Variants in DTNB observed in about 807,000 individuals in gnomAD.
DTNB encodes dystrobrevin beta, also known as DTN-B.
In DTNB, 63 loss-of-function variants were observed where a neutral mutation model predicts 90.7. That is an observed-to-expected ratio of 0.69 (90% CI 0.57 to 0.86). The LOEUF (loss-of-function observed/expected upper bound fraction) is 0.86, where lower values mean the gene tolerates loss of function less well. DTNB is among the 40% of genes least tolerant of loss of function. DTNB has a pLI of 0.00. For synonymous variants in DTNB, 277 were observed against 286.7 expected (o/e 0.97, Z 0.34); for missense variants, 744 against 807.1 (o/e 0.92, Z 0.95).
intron 13 of DTNB, 24 bp from the exon 14 acceptor site, chr2:25,433,023 A>C (rs2054475861): frequency 1.3e-6 from 2 of 1,578,946 alleles, no homozygotes; most frequent in African/African-American, 2.7e-5. Flanking sequence ...GTGAACGGAA[A>C]GGGGCTGCAC....
intron 8 of DTNB, among the ~76,000 whole-genome samples, chr2:25,543,052 T>G (rs1268729710): frequency 6.6e-6 from 1 of 152,206 alleles, no homozygotes; most frequent in Non-Finnish European, 1.5e-5. Context: ...CTTTTTATCT[T>G]TGATAAACCA....
At chr2:25,388,988 A>G (rs2040340953) in intron 16 of DTNB, among the ~76,000 whole-genome samples, 2 of 152,116 alleles carry the variant, frequency 1.3e-5, no homozygotes. Flanking sequence ...CTGGGACTAC[A>G]GGTGTGCGCC....
intron 8 of DTNB, chr2:25,558,202 T>C: frequency 1.0e-6 from 1 of 985,202 alleles, no homozygotes; most frequent in Non-Finnish European, 1.2e-6. Flanking sequence ...CACACATGGA[T>C]TAAATTTATT....
At chr2:25,481,413 A>AG (rs1558704007) in intron 10 of DTNB, among the ~76,000 whole-genome samples, 1 of 150,116 alleles carries the variant, frequency 6.7e-6, no homozygotes, top group Non-Finnish European at 1.5e-5. Context: ...TCCAAATTTA[A>AG]AAAAAAAAAA....
At chr2:25,586,137 A>G (rs2062358464) in intron 6 of DTNB, among the ~76,000 whole-genome samples, 1 of 152,226 alleles carries the variant, frequency 6.6e-6, no homozygotes, top group South Asian at 2.1e-4. Context: ...ATGCAAATAC[A>G]TTATGAAGTT....
intron 16 of DTNB, among the ~76,000 whole-genome samples, chr2:25,411,499 A>G (rs987107159): frequency 2.0e-5 from 3 of 152,108 alleles, no homozygotes; most frequent in African/African-American, 7.2e-5. Flanking sequence ...CACCCTGCCA[A>G]CTCTTGCAAG....
intron 10 of DTNB, among the ~76,000 whole-genome samples, chr2:25,469,430 TATTCATTCATTC>T (rs762828529): frequency 1.2e-4 from 18 of 152,260 alleles, no homozygotes; most frequent in African/African-American, 4.3e-4. Flanking sequence ...TGCCCAAGCC[TATTCATTCATTC>T]ATTCATTCAC....
intron 12 of DTNB, among the ~76,000 whole-genome samples, chr2:25,434,570 T>A (rs1331605509): frequency 6.6e-6 from 1 of 152,038 alleles, no homozygotes; most frequent in African/African-American, 2.4e-5. Flanking sequence ...GGCCTAGTAG[T>A]CCCTTCTTTT....
intron 10 of DTNB, among the ~76,000 whole-genome samples, chr2:25,465,076 A>G (rs920965932): frequency 2.0e-5 from 3 of 152,118 alleles, no homozygotes; most frequent in African/African-American, 7.2e-5. Context: ...ATAAGTTAGC[A>G]ATATTAGAAG....
intron 9 of DTNB, among the ~76,000 whole-genome samples, chr2:25,529,820 A>T (rs1193260282): frequency 6.6e-6 from 1 of 152,178 alleles, no homozygotes; most frequent in Non-Finnish European, 1.5e-5. Context: ...GCTTTATTAG[A>T]TTTAACCCTT....
chr2:25,470,611 A>T (rs1012463902), intron 10 of DTNB, among the ~76,000 whole-genome samples: 2 of 152,110 alleles, frequency 1.3e-5, no homozygotes, highest in African/African-American at 4.8e-5. Context: ...TCCTGACCTC[A>T]GGTGATCCAC....
intron 10 of DTNB, among the ~76,000 whole-genome samples, chr2:25,469,262 T>C (rs1185823322): frequency 1.3e-5 from 2 of 152,042 alleles, no homozygotes; most frequent in Non-Finnish European, 2.9e-5. Context: ...GGTGAAGATG[T>C]TGGATAAAGA....
intron 12 of DTNB, among the ~76,000 whole-genome samples, chr2:25,448,593 G>A (rs1425951794): frequency 2.0e-5 from 3 of 152,080 alleles, no homozygotes; most frequent in Admixed American, 1.3e-4. Flanking sequence ...GGTGGCTCAC[G>A]CCTGTAATCC....
intron 8 of DTNB, among the ~76,000 whole-genome samples, chr2:25,532,187 G>C (rs987515172): frequency 6.8e-6 from 1 of 147,658 alleles, no homozygotes; most frequent in Non-Finnish European, 1.5e-5. Flanking sequence ...GGAGGTTGCA[G>C]TGAGCCAAGA....
At chr2:25,509,713 T>TGATGTGTG (rs2073468938) in intron 9 of DTNB, among the ~76,000 whole-genome samples, 1 of 151,376 alleles carries the variant, frequency 6.6e-6, no homozygotes, top group Admixed American at 6.6e-5. Context: ...AGCTTTACTA[T>TGATGTGTG]GATGTGTGTA....
chr2:25,414,546 G>A (rs1233580568), intron 16 of DTNB, among the ~76,000 whole-genome samples: 1 of 152,186 alleles, frequency 6.6e-6, no homozygotes. Context: ...GAGCCACCAT[G>A]CCTGGCCCAG....
Position 25,508,072 on chromosome 2 carries a change from A to G in DTNB, c.1001+23401T>C, listed in dbSNP as rs138561319. 3.2e-3 allele frequency among the ~76,000 whole-genome samples: 483 copies of G among 152,170 alleles called. 1 individual carries two copies. The highest frequency in any genetic ancestry group is 0.011 in the African/African-American group (453 of 41,542). ...ACCCACTAGACCTCCAATACTGCCC[A>G]TCCCTCTTTCCCTATTTTGCTGTTC... is the stretch of plus-strand genomic sequence containing the variant. On this transcript the variant is annotated intron_variant, in intron 9 of 20. Coordinates refer to ENST00000406818, the MANE Select transcript of DTNB (RefSeq NM_021907.5).
Position 25,554,034 on chromosome 2 carries a change from T to C in DTNB, c.877-22437A>G, listed in dbSNP as rs575158459. Among the ~76,000 whole-genome samples, 9 of 152,302 alleles carry C rather than the reference T, an allele frequency of 5.9e-5. No individual in the cohort carries two copies. In the South Asian group the frequency reaches 1.9e-3, roughly 32 times the overall value. ...TGTCATGATAGCCAATATAAATTTA[T>C]GGTTCCATACACACCAACCCTGGGG... On this transcript the variant is annotated intron_variant, in intron 8 of 20. Transcript: ENST00000406818.
chr2:25,599,266 C>A (rs2065297644), intron 5 of DTNB, among the ~76,000 whole-genome samples: 1 of 151,196 alleles, frequency 6.6e-6, no homozygotes. Context: ...GAAATGATGA[C>A]AAATCCTGAT....
Sources: allele counts gnomAD v4.1 joint callset (sites outside exome capture counted in the v4.1 genomes callset), GRCh38; gene constraint gnomAD v4.1.1; transcripts MANE v1.5; gene names NCBI Gene and HGNC (gene_info 2026-07-23, HGNC 2026-07-21).